The following CPSF7 variants were observed in gnomAD, a reference collection of about 807,000 sequenced individuals.
CPSF7 encodes the protein cleavage and polyadenylation specificity factor subunit 7.
CPSF7 carries 1 observed loss-of-function variant against 44.3 expected under a neutral mutation model. That is an observed-to-expected ratio of 0.02 (90% CI 0.01 to 0.11). The LOEUF (loss-of-function observed/expected upper bound fraction) is 0.11, where lower values mean the gene tolerates loss of function less well. Among genes scored for constraint, CPSF7 ranks in the 10% least tolerant of loss-of-function variants. The pLI, the probability that CPSF7 is intolerant of heterozygous loss-of-function variation, is 1.00. For synonymous variants in CPSF7, 202 were observed against 222.0 expected, an observed-to-expected ratio of 0.91 and a Z score of 0.80; for missense variants, 443 against 607.2, an observed-to-expected ratio of 0.73 and a Z score of 2.84.
intron 7 of CPSF7, among the ~76,000 whole-genome samples, chr11:61,414,181 A>C: frequency 1.6e-5 from 2 of 127,214 alleles, no homozygotes; most frequent in African/African-American, 3.0e-5. Flanking sequence ...ACACAGTTTC[A>C]CTCTGTTACC....
chr11:61,415,438 C>T (rs572186451), intron 7 of CPSF7, among the ~76,000 whole-genome samples: 31 of 152,162 alleles, frequency 2.0e-4, no homozygotes, highest in Admixed American at 1.8e-3. Context: ...ATATTCTAGG[C>T]ATTAAGTTGG....
Position 61,411,020 on chromosome 11 carries a change from G to A in CPSF7, c.1312C>T (p.Arg438Trp). The change falls in exon 9 of 10, where the codon CGG becomes TGG. Residue 438 changes from arginine (R) to tryptophan (W), a missense_variant. Coordinates refer to ENST00000439958, the MANE Select transcript of CPSF7 (RefSeq NM_001142565.3). ...RHRDLLHNED[R>W]HDDYFQERNR... is the part of the protein sequence containing the mutation. ...CTTTCTTGGAAATAATCATCATGCC[G>A]ATCTTCATTATGAAGCAGATCCCGG... is the stretch of plus-strand genomic sequence containing the variant. 12 of 1,613,590 alleles carry A rather than the reference G, an allele frequency of 7.4e-6. No individual in the cohort carries two copies. The highest frequency in any genetic ancestry group is 1.0e-5 in the Non-Finnish European group (12 of 1,179,936).
intron 2 of CPSF7, among the ~76,000 whole-genome samples, chr11:61,425,782 A>C (rs749712199): frequency 1.3e-5 from 2 of 152,140 alleles, no homozygotes; most frequent in African/African-American, 4.8e-5. Context: ...TTCACTGTAC[A>C]TTGTCGTTGT....
chr11:61,429,844 C>G, intron 1 of CPSF7, 70 bp downstream of exon 1: 1 of 1,545,662 alleles, frequency 6.5e-7, no homozygotes, highest in Non-Finnish European at 8.7e-7. Flanking sequence ...AACCGACCCC[C>G]TTCCCGCCTC....
At position 61,421,712 on chromosome 11, in the gene CPSF7, T is replaced by C. The variant is rs12289629; in HGVS notation, c.55-104A>G. ...CCAGTTAAATACTTGGTAAAACATG[T>C]ACAAAACTTCCTTGTCCTACCCCAG... On this transcript the variant is annotated intron_variant, in intron 2 of 9. Coordinates refer to ENST00000439958, the MANE Select transcript of CPSF7 (RefSeq NM_001142565.3). 4.1e-4 allele frequency: 331 copies of C among 814,874 alleles called. 2 individuals carry two copies. In the South Asian group the frequency reaches 5.4e-3, roughly 13 times the overall value. 50.5% of individuals were successfully genotyped at this position (814,874 alleles called of 1,614,324 possible). A position where few individuals can be genotyped will look rare whatever the true frequency, so the allele number is the denominator to read the frequency against.
intron 2 of CPSF7, chr11:61,427,293 T>C (rs1861460099): frequency 6.6e-6 from 1 of 151,778 alleles, no homozygotes; most frequent in African/African-American, 2.4e-5. Flanking sequence ...AGGAAAACAA[T>C]GATTTTGTAA....
At chr11:61,423,105 CAAAAAAA>C (rs71471824) in intron 2 of CPSF7, among the ~76,000 whole-genome samples, 3 of 52,352 alleles carry the variant, frequency 5.7e-5, no homozygotes, top group Admixed American at 8.0e-4. Flanking sequence ...GACCCCATAT[CAAAAAAA>C]AAAAAAAAAA....
chr11:61,423,465 C>T (rs1257247557), intron 2 of CPSF7, among the ~76,000 whole-genome samples: 1 of 152,074 alleles, frequency 6.6e-6, no homozygotes, highest in African/African-American at 2.4e-5. Flanking sequence ...GCCACCGTGC[C>T]TAGCCTCAGA....
chr11:61,418,277 G>A (rs1306886887), intron 5 of CPSF7, among the ~76,000 whole-genome samples: 1 of 152,160 alleles, frequency 6.6e-6, no homozygotes, highest in East Asian at 1.9e-4. Context: ...CAGAACATCA[G>A]TGATGAAACT....
chr11:61,419,827 C>A (rs1050798640), intron 5 of CPSF7, 122 bp downstream of exon 5: 3 of 1,231,066 alleles, frequency 2.4e-6, no homozygotes, highest in African/African-American at 3.0e-5. Flanking sequence ...ACCACCATCA[C>A]CCTCCCCCAA....
chr11:61,410,741 A>G (rs933740431), intron 9 of CPSF7, 197 bp downstream of exon 9: 2 of 487,560 alleles, frequency 4.1e-6, no homozygotes, highest in African/African-American at 3.9e-5. Flanking sequence ...TCAAGAAACA[A>G]GCAGAAACAG....
intron 1 of CPSF7, chr11:61,429,672 G>T: frequency 6.9e-7 from 1 of 1,442,476 alleles, no homozygotes; most frequent in Non-Finnish European, 9.4e-7. Flanking sequence ...GCCCCCAGGT[G>T]TCAAGCAGCT....
intron 9 of CPSF7, 55 bp downstream of exon 9, chr11:61,410,883 A>G (rs1421328366): frequency 6.7e-7 from 1 of 1,498,564 alleles, no homozygotes; most frequent in South Asian, 1.3e-5. Context: ...TCTTCACTAT[A>G]AATCTTTTTT....
chr11:61,415,916 C>A (rs17704641), intron 6 of CPSF7, 132 bp from the exon 7 acceptor site: 3 of 847,088 alleles, frequency 3.5e-6, no homozygotes, highest in Non-Finnish European at 5.6e-6. Context: ...CACCTGCTCC[C>A]GCATTTAATT....
chr11:61,411,494 C>T (rs1478153359), intron 8 of CPSF7, among the ~76,000 whole-genome samples: 5 of 152,202 alleles, frequency 3.3e-5, no homozygotes. Context: ...GGATTCCAAT[C>T]CAAGCTTGTA....
Position 61,404,256 on chromosome 11 carries a change from G to A in CPSF7, c.*454C>T, listed in dbSNP as rs1285639786. 6.6e-6 allele frequency: 1 copy of A among 152,604 alleles called. No individual in the cohort carries two copies. The highest frequency in any genetic ancestry group is 2.4e-5 in the African/African-American group (1 of 41,426). 9.5% of individuals were successfully genotyped at this position (152,604 alleles called of 1,614,324 possible). ...GACCCTCTTGGCCCCATTAAATCTA[G>A]TGCTGAGGGCAGGACCCTGGGCATA... is the stretch of plus-strand genomic sequence containing the variant. On this transcript the variant is annotated 3_prime_UTR_variant, in exon 10 of 10. Transcript: ENST00000439958.
chr11:61,403,547 C>T lies in CPSF7; in HGVS notation c.*1163G>A, dbSNP rs1026684542. 1 of 152,146 alleles carries T rather than the reference C, an allele frequency of 6.6e-6. No homozygotes were observed. 9.4% of individuals were successfully genotyped at this position (152,146 alleles called of 1,614,324 possible). ...GCTCCTCATCTGAGGCAGGAAGTATCTCCAGGCAGAGTGAGAGGAGCTATT... is the reference window on the plus strand; with the variant it reads ...GCTCCTCATCTGAGGCAGGAAGTATTTCCAGGCAGAGTGAGAGGAGCTATT... On this transcript the variant is annotated 3_prime_UTR_variant, in exon 10 of 10. Transcript: ENST00000439958.
intron 5 of CPSF7, among the ~76,000 whole-genome samples, chr11:61,416,918 A>C (rs1469137362): frequency 6.6e-6 from 1 of 152,046 alleles, no homozygotes; most frequent in Non-Finnish European, 1.5e-5. Flanking sequence ...AGAGTTCAGG[A>C]CCTCTCTCCT....
At chr11:61,422,771 C>G (rs2135380681) in intron 2 of CPSF7, among the ~76,000 whole-genome samples, 1 of 152,252 alleles carries the variant, frequency 6.6e-6, no homozygotes, top group Non-Finnish European at 1.5e-5. Flanking sequence ...TATGTGATAT[C>G]TTACTTACTA....
Sources: gnomAD v4.1 joint callset for allele counts (sites outside exome capture counted in the v4.1 genomes callset) on GRCh38, gnomAD v4.1.1 for gene constraint, MANE v1.5 for transcripts, NCBI Gene and HGNC (gene_info 2026-07-23, HGNC 2026-07-21) for gene names.